Variants in EWSR1 observed in about 807,000 individuals in gnomAD.
The protein encoded by EWSR1 is RNA-binding protein EWS.
A neutral mutation model predicts 92.1 loss-of-function variants in EWSR1; 14 were observed. The observed-to-expected ratio is 0.15, with a 90% confidence interval of 0.10 to 0.24. The LOEUF is 0.24. EWSR1 is among the 10% of genes least tolerant of loss of function. EWSR1 has a pLI of 1.00. For missense variants in EWSR1, 637 were observed against 870.9 expected, an observed-to-expected ratio of 0.73 and a Z score of 3.38; for synonymous variants, 303 against 292.9, an observed-to-expected ratio of 1.03 and a Z score of -0.35.
rs528336560 is a variant in EWSR1, at chr22:29,278,425, G to A, written c.413+209G>A. On this transcript the variant is annotated intron_variant, in intron 5 of 16. Transcript: ENST00000397938. ...AAATTGGCTGGGCGCGGTTTCTCAT[G>A]CCTGTAATTCTAGCTCTTTGGGAGG... 7.9e-5 allele frequency among the ~76,000 whole-genome samples: 12 copies of A among 152,334 alleles called. No individual in the cohort carries two copies. In the East Asian group the frequency reaches 2.3e-3, roughly 29 times the overall value.
intron 1 of EWSR1, chr22:29,269,719 T>C (rs1337391070): frequency 6.6e-6 from 1 of 152,096 alleles, no homozygotes; most frequent in East Asian, 1.9e-4. Flanking sequence ...AGAGTGCCGG[T>C]AGAAGAGAGG....
Position 29,298,694 on chromosome 22 carries a change from A to G in EWSR1, c.1418-39A>G, listed in dbSNP as rs186841227. On this transcript the variant is annotated intron_variant, in intron 13 of 16. Coordinates refer to ENST00000397938, the MANE Select transcript of EWSR1 (RefSeq NM_005243.4). Reference sequence around the variant, plus strand: ...TTTCCTATAGCAAATTTGGTGCTACAGAGAAATGATTTGCTGTTTCTTGTT... The same window carrying G: ...TTTCCTATAGCAAATTTGGTGCTACGGAGAAATGATTTGCTGTTTCTTGTT... 3,258 of 1,611,092 alleles carry G rather than the reference A, an allele frequency of 2.0e-3. 9 individuals carry two copies. The highest frequency in any genetic ancestry group is 2.5e-3 in the Non-Finnish European group (2,890 of 1,179,050).
chr22:29,272,113 C>G (rs2058726948), intron 1 of EWSR1, 103 bp from the exon 2 acceptor site: 1 of 1,040,178 alleles, frequency 9.6e-7, no homozygotes, highest in Non-Finnish European at 1.5e-6. Flanking sequence ...GGTCTCCCTA[C>G]AGTTTAAAGA....
At chr22:29,274,839 T>A (rs1370374816) in intron 4 of EWSR1, among the ~76,000 whole-genome samples, 3 of 152,206 alleles carry the variant, frequency 2.0e-5, no homozygotes, top group Non-Finnish European at 4.4e-5. Context: ...AAACCTATGA[T>A]AATTTTTTTG....
chr22:29,289,890 C>T (rs985657102), intron 8 of EWSR1: 54 of 230,456 alleles, frequency 2.3e-4, no homozygotes, highest in African/African-American at 1.1e-3. Context: ...TTTAATGATT[C>T]GGTATGAAGT....
At chr22:29,270,203 G>A (rs1048996521) in intron 1 of EWSR1, among the ~76,000 whole-genome samples, 2 of 152,174 alleles carry the variant, frequency 1.3e-5, no homozygotes, top group African/African-American at 4.8e-5. Context: ...CCGTTGCCTT[G>A]GGTTAATAAT....
At chr22:29,273,281 T>C (rs1393503058) in intron 3 of EWSR1, among the ~76,000 whole-genome samples, 1 of 152,250 alleles carries the variant, frequency 6.6e-6, no homozygotes, top group East Asian at 1.9e-4. Flanking sequence ...TTTCAATTTT[T>C]TCTGACAGAT....
chr22:29,273,719 C>G, intron 3 of EWSR1, 22 bp from the exon 4 acceptor site: 2 of 1,599,588 alleles, frequency 1.3e-6, no homozygotes, highest in South Asian at 1.1e-5. Context: ...GAAGTTCTTG[C>G]ATTCGTTTTT....
At chr22:29,277,523 T>G (rs2059216228) in intron 4 of EWSR1, 5 of 227,998 alleles carry the variant, frequency 2.2e-5, no homozygotes, top group Non-Finnish European at 3.5e-5. Context: ...TTAAATTAAT[T>G]ACTACCCAAA....
intron 4 of EWSR1, chr22:29,277,459 G>A (rs939707673): frequency 1.1e-4 from 25 of 225,324 alleles, no homozygotes; most frequent in African/African-American, 5.3e-4. Flanking sequence ...ATGTGCTCAA[G>A]TAATTAAGCT....
chr22:29,295,890 T>C (rs1384240347), intron 11 of EWSR1: 6 of 285,646 alleles, frequency 2.1e-5, no homozygotes, highest in South Asian at 7.2e-5. Context: ...TCATGTCTTA[T>C]GTGGTGGTAT....
In EWSR1 at chr22:29,299,495, G is replaced by A. The variant is rs150535392; in HGVS notation, c.1679-104G>A. On this transcript the variant is annotated intron_variant, in intron 15 of 16. Coordinates refer to ENST00000397938, the MANE Select transcript of EWSR1 (RefSeq NM_005243.4). ...GATGCCGAGATTGAGTGAAGTGTCT[G>A]GTTTGTTCTGCTGTGAGAGAAGGAA... 335 of 1,494,524 alleles carry A rather than the reference G, an allele frequency of 2.2e-4. 1 individual carries two copies. In the African/African-American group the frequency reaches 3.7e-3, roughly 17 times the overall value. 92.6% of individuals were successfully genotyped at this position (1,494,524 alleles called of 1,614,324 possible).
chr22:29,275,549 A>C (rs549640312), intron 4 of EWSR1: 6 of 225,050 alleles, frequency 2.7e-5, no homozygotes, highest in African/African-American at 1.3e-4. Flanking sequence ...CTTTTGGGGT[A>C]TAAAAACACC....
intron 8 of EWSR1, chr22:29,289,876 A>G (rs2060318553): frequency 4.3e-6 from 1 of 231,180 alleles, no homozygotes; most frequent in African/African-American, 2.2e-5. Context: ...ACAACAGGCA[A>G]AAATTTAATG....
chr22:29,299,830 G>GAGGACC lies in EWSR1; in HGVS notation c.1911_1916dup (p.Pro639_Gly640dup). 3.2e-6 allele frequency: 5 copies of GAGGACC among 1,551,652 alleles called. No individual in the cohort carries two copies. The highest frequency in any genetic ancestry group is 4.4e-6 in the Non-Finnish European group (5 of 1,147,318). ...ATGGGAGGAAGAAGAGGAGGACGTG[G>GAGGACC]AGGACCTGGAAAAATGGATAAGTAA... is the stretch of plus-strand genomic sequence containing the variant. On this transcript the variant is annotated inframe_insertion, in exon 16 of 17. Transcript: ENST00000397938.
intron 11 of EWSR1, among the ~76,000 whole-genome samples, chr22:29,294,716 C>T (rs770050041): frequency 1.3e-5 from 2 of 151,914 alleles, no homozygotes; most frequent in African/African-American, 2.4e-5. Context: ...GAGATCGAGA[C>T]CATCCTGGCC....
chr22:29,299,046 G>GCTT lies in EWSR1; in HGVS notation c.1580+153_1580+155dup, dbSNP rs878915034. 1.1e-4 allele frequency: 146 copies of GCTT among 1,326,132 alleles called. 2 individuals are homozygous for GCTT. In the South Asian group the frequency reaches 2.0e-3, roughly 18 times the overall value. 82.1% of individuals were successfully genotyped at this position (1,326,132 alleles called of 1,614,324 possible). ...GACACTAGTCAGCCATTCACTGGAC[G>GCTT]CTTCAGAGCCTTCTGAAGATTGATT... On this transcript the variant is annotated intron_variant, in intron 14 of 16. Coordinates refer to ENST00000397938, the MANE Select transcript of EWSR1 (RefSeq NM_005243.4).
chr22:29,287,324 C>G (rs914222834), intron 7 of EWSR1, among the ~76,000 whole-genome samples, 190 bp downstream of exon 7: 5 of 152,138 alleles, frequency 3.3e-5, no homozygotes, highest in African/African-American at 1.2e-4. Context: ...TCTCCTGCCC[C>G]AGCCTCCCGA....
At chr22:29,290,594 G>A (rs2033056966) in intron 8 of EWSR1, 1 of 1,514,220 alleles carries the variant, frequency 6.6e-7, no homozygotes, top group Non-Finnish European at 8.9e-7. Flanking sequence ...TGTAACTTTG[G>A]TAACTGCATA....
Sources: gnomAD v4.1 joint callset for allele counts (sites outside exome capture counted in the v4.1 genomes callset) on GRCh38, gnomAD v4.1.1 for gene constraint, MANE v1.5 for transcripts, NCBI Gene and HGNC (gene_info 2026-07-23, HGNC 2026-07-21) for gene names.